The following HDC variants were observed in gnomAD, a reference collection of about 807,000 sequenced individuals.
HDC encodes histidine decarboxylase.
Under a neutral mutation model 64.4 loss-of-function variants are expected in HDC, and 27 were observed. The ratio of observed to expected loss-of-function variants is 0.42; its 90% confidence interval spans 0.31 to 0.58. The LOEUF (loss-of-function observed/expected upper bound fraction) is 0.58, where lower values mean the gene tolerates loss of function less well. Ranked by LOEUF, HDC falls within the 20% of genes least tolerant of loss-of-function variation. The pLI, the probability that HDC is intolerant of heterozygous loss-of-function variation, is 0.16. For missense variants in HDC, 711 were observed against 833.9 expected, an observed-to-expected ratio of 0.85 and a Z score of 1.81; for synonymous variants, 305 against 314.2, an observed-to-expected ratio of 0.97 and a Z score of 0.31.
chr15:50,262,564 T>C (rs1441632163), intron 2 of HDC, among the ~76,000 whole-genome samples: 1 of 152,146 alleles, frequency 6.6e-6, no homozygotes, highest in Non-Finnish European at 1.5e-5. Context: ...TCAGCCAGCT[T>C]CCATCAGCTT....
intron 10 of HDC, among the ~76,000 whole-genome samples, chr15:50,246,200 G>A (rs1171379320): frequency 6.6e-6 from 1 of 152,212 alleles, no homozygotes; most frequent in African/African-American, 2.4e-5. Flanking sequence ...CCCAGGCACT[G>A]TGCTAAGGAT....
intron 7 of HDC, chr15:50,253,068 A>C: frequency 2.0e-6 from 1 of 490,456 alleles, no homozygotes; most frequent in Non-Finnish European, 3.7e-6. Context: ...ACAGAAATCA[A>C]TTTCCCACCA....
intron 10 of HDC, among the ~76,000 whole-genome samples, chr15:50,247,814 A>T (rs2045502433): frequency 6.6e-6 from 1 of 152,254 alleles, no homozygotes; most frequent in South Asian, 2.1e-4. Flanking sequence ...TACCTGTCCA[A>T]GCCAGGGGAG....
chr15:50,262,808 A>G (rs914656212), intron 2 of HDC, among the ~76,000 whole-genome samples: 2 of 151,968 alleles, frequency 1.3e-5, no homozygotes, highest in Admixed American at 1.3e-4. Flanking sequence ...GGTCTCAGAC[A>G]CTGTACAGAA....
intron 5 of HDC, 63 bp from the exon 6 acceptor site, chr15:50,254,336 T>G: frequency 6.3e-7 from 1 of 1,599,842 alleles, no homozygotes; most frequent in Non-Finnish European, 8.6e-7. Context: ...CCCCAGAAAC[T>G]GCTGAAGCCT....
chr15:50,244,379 T>A (rs1224482955), intron 10 of HDC, among the ~76,000 whole-genome samples: 1 of 146,824 alleles, frequency 6.8e-6, no homozygotes, highest in East Asian at 2.1e-4. Flanking sequence ...CAAAGCTCAC[T>A]GCAGCCTTGA....
intron 2 of HDC, among the ~76,000 whole-genome samples, chr15:50,259,309 T>G (rs2045672595): frequency 6.6e-6 from 1 of 152,070 alleles, no homozygotes; most frequent in Admixed American, 6.6e-5. Context: ...GGTGAATGGG[T>G]TCAAAGCTGT....
chr15:50,253,493 C>T (rs1567451293), intron 7 of HDC, 107 bp downstream of exon 7: 1 of 1,036,112 alleles, frequency 9.7e-7, no homozygotes, highest in Non-Finnish European at 1.5e-6. Flanking sequence ...CTGCATTGAC[C>T]AAAGAGGAAC....
At position 50,253,671 on chromosome 15, in the gene HDC, G is replaced by T. The variant is rs753574208; in HGVS notation, c.721-5C>A. ...GGTCCCTAGTGTTGCACAGACCTAG[G>T]GGAAAATTAAGGCAAGTTAACACAG... On this transcript the variant is annotated splice_region_variant and splice_polypyrimidine_tract_variant and intron_variant, in intron 6 of 11. Transcript: ENST00000267845. 1.9e-6 allele frequency: 3 copies of T among 1,612,782 alleles called. No homozygotes were observed. The East Asian group carries it at 6.7e-5, about 36-fold the overall frequency.
In HDC at chr15:50,257,428, C is replaced by G; in HGVS notation, c.438G>C (p.Leu146=). ...HHPSSQGGGV[L]QSTVSESTLI... is the part of the protein sequence containing the mutation. ...GAAGCTTTGCCAAGGGAGGTACCTG[C>G]AGGACGCCTCCGCCCTGGCTGCTGG... Residue 146 remains leucine (L), a synonymous_variant, in exon 4 of 12, where the codon CTG becomes CTC. Transcript: ENST00000267845. 6.2e-7 allele frequency: 1 copy of G among 1,614,206 alleles called. No homozygotes were observed. Among genetic ancestry groups the G allele is most frequent in the Non-Finnish European group, 8.5e-7 (1 of 1,180,020 alleles).
intron 3 of HDC, 105 bp from the exon 4 acceptor site, chr15:50,257,652 T>A (rs1759397974): frequency 7.4e-7 from 1 of 1,346,248 alleles, no homozygotes; most frequent in African/African-American, 1.4e-5. Context: ...TGGGAACATT[T>A]CTGGAGAAGG....
intron 7 of HDC, 167 bp from the exon 8 acceptor site, chr15:50,252,941 G>A (rs747005724): frequency 1.5e-5 from 10 of 657,122 alleles, no homozygotes; most frequent in Non-Finnish European, 2.6e-5. Flanking sequence ...AAGAAGTGGG[G>A]CTGAAGGAGG....
At chr15:50,253,407 C>G in intron 7 of HDC, 193 bp downstream of exon 7, 1 of 663,162 alleles carries the variant, frequency 1.5e-6, no homozygotes, top group Non-Finnish European at 2.7e-6. Flanking sequence ...TAACTCTTGT[C>G]ACACCACTGG....
At chr15:50,243,583 C>T (rs941032165) in intron 10 of HDC, among the ~76,000 whole-genome samples, 2 of 152,218 alleles carry the variant, frequency 1.3e-5, no homozygotes, top group African/African-American at 4.8e-5. Flanking sequence ...GCCAAGTGGG[C>T]AAGTGAGGGC....
chr15:50,242,379 T>G lies in HDC; in HGVS notation c.1870A>C (p.Met624Leu), dbSNP rs758313706. ...TTTTTGAAGGCACTTTTCTTCAGCA[T>G]CATCATGTCTTCTGGAAACCTGGAA... is the stretch of plus-strand genomic sequence containing the variant. ...IFSRFPEDMMMLKKSAFKKLI... is the reference protein window; with the variant it reads ...IFSRFPEDMMLLKKSAFKKLI... Residue 624 changes from methionine to leucine, a missense_variant, in exon 12 of 12, where the codon ATG becomes CTG. By Grantham distance (15) the Met-to-Leu change is conservative (BLOSUM62 2). Coordinates refer to ENST00000267845, the MANE Select transcript of HDC (RefSeq NM_002112.4). The G allele has an allele frequency of 5.0e-6, 8 of 1,614,076 alleles. No individual in the cohort carries two copies. Among genetic ancestry groups the G allele is most frequent in the Non-Finnish European group, 6.8e-6 (8 of 1,180,030 alleles).
chr15:50,248,013 C>T lies in HDC; in HGVS notation c.1140+232G>A, dbSNP rs1000704339. Among the ~76,000 whole-genome samples the T allele has an allele frequency of 6.6e-6, 1 of 152,184 alleles. No individual in the cohort carries two copies. The highest frequency in any genetic ancestry group is 2.4e-5 in the African/African-American group (1 of 41,426). On this transcript the variant is annotated intron_variant, in intron 10 of 11. Coordinates refer to ENST00000267845, the MANE Select transcript of HDC (RefSeq NM_002112.4). This position sits in a 1 kb window ranked among gnomAD's most constrained non-coding sequence, Gnocchi z 4.3. ...CAGTGCTCAGTGACAGCAAGGGGAA[C>T]GGTGAGACACTCAGCAGAGGACAGG...
chr15:50,243,345 C>T (rs2045429738), intron 10 of HDC, 101 bp from the exon 11 acceptor site: 7 of 806,940 alleles, frequency 8.7e-6, no homozygotes, highest in Non-Finnish European at 1.3e-5. Flanking sequence ...GGCCATCTTC[C>T]CGTCACAGCC....
Position 50,242,105 on chromosome 15 carries a change from G to A in HDC, c.*155C>T. ...TTAAACTCTTCGTTTGTATCCTATT[G>A]TGGGTCATGAACCCCTATGAGAATT... On this transcript the variant is annotated 3_prime_UTR_variant, in exon 12 of 12. Coordinates refer to ENST00000267845, the MANE Select transcript of HDC (RefSeq NM_002112.4). The A allele has an allele frequency of 2.7e-6, 2 of 727,590 alleles. No individual in the cohort carries two copies. Among genetic ancestry groups the A allele is most frequent in the South Asian group, 3.2e-5 (2 of 62,990 alleles). The allele number at this position is 727,590 out of a possible 1,614,324, so 45.1% of individuals were successfully genotyped here.
In HDC at chr15:50,242,846, C is replaced by CG. The variant is rs1307396377; in HGVS notation, c.1402dup (p.Arg468ProfsTer48). 1.9e-6 allele frequency: 3 copies of CG among 1,613,646 alleles called. No homozygotes were observed. The highest frequency in any genetic ancestry group is 1.7e-6 in the Non-Finnish European group (2 of 1,179,806). ...ACTCAGGATGAGAGTGGCAGCATCT[C>CG]GAATGAGATTCCAGTCTCTCAGGAT... is the stretch of plus-strand genomic sequence containing the variant. On this transcript the variant is annotated frameshift_variant, in exon 12 of 12. Transcript: ENST00000267845. LOFTEE classifies it high-confidence loss of function.
Sources: allele counts gnomAD v4.1 joint callset (sites outside exome capture counted in the v4.1 genomes callset), GRCh38; gene constraint gnomAD v4.1.1; non-coding constraint Gnocchi (gnomAD v3.1); transcripts MANE v1.5; gene names NCBI Gene and HGNC (gene_info 2026-07-23, HGNC 2026-07-21).